The following KAZN variants were observed in gnomAD, a reference collection of about 807,000 sequenced individuals.
KAZN encodes kazrin.
In KAZN, 40 loss-of-function variants were observed where a neutral mutation model predicts 87.4. The observed-to-expected ratio is 0.46, with a 90% CI of 0.36 to 0.60. The LOEUF is 0.60. KAZN is among the 20% of genes least tolerant of loss of function. The pLI is 0.00. For missense variants in KAZN, 898 were observed against 1,073.9 expected, an observed-to-expected ratio of 0.84 and a Z score of 2.29; for synonymous variants, 466 against 458.3, an observed-to-expected ratio of 1.02 and a Z score of -0.22.
At chr1:14,053,789 CTT>C (rs1275895727) in intron 1 of KAZN, among the ~76,000 whole-genome samples, 1 of 152,168 alleles carries the variant, frequency 6.6e-6, no homozygotes, top group Non-Finnish European at 1.5e-5. Flanking sequence ...CCATGCATAA[CTT>C]TTGACTTCCC....
At chr1:14,902,497 G>C (rs952020008) in intron 1 of KAZN, among the ~76,000 whole-genome samples, 2 of 152,148 alleles carry the variant, frequency 1.3e-5, no homozygotes, top group African/African-American at 4.8e-5. Context: ...CAAAGTGCTA[G>C]AATTACAGGC....
At chr1:14,049,993 G>A (rs1448886122) in intron 1 of KAZN, among the ~76,000 whole-genome samples, 2 of 152,230 alleles carry the variant, frequency 1.3e-5, no homozygotes, top group African/African-American at 2.4e-5. Flanking sequence ...GCTAAGCAGA[G>A]GGAAAGGGAG....
At chr1:14,879,060 G>A (rs896956403) in intron 1 of KAZN, among the ~76,000 whole-genome samples, 20 of 152,104 alleles carry the variant, frequency 1.3e-4, no homozygotes, top group African/African-American at 4.3e-4. Flanking sequence ...ATCCCTGCTC[G>A]TATCTGCCAA....
chr1:14,161,823 G>C (rs971250331), intron 1 of KAZN, among the ~76,000 whole-genome samples: 2 of 152,110 alleles, frequency 1.3e-5, no homozygotes, highest in Non-Finnish European at 2.9e-5. Context: ...TCAAAGTCTG[G>C]AATCTCATCA....
chr1:14,250,742 T>C (rs1232595101), intron 2 of KAZN, among the ~76,000 whole-genome samples: 2 of 152,032 alleles, frequency 1.3e-5, no homozygotes, highest in African/African-American at 4.8e-5. Flanking sequence ...TTGACTTAGT[T>C]TGAAGGTAAT....
chr1:14,179,355 A>G lies in KAZN; in HGVS notation c.92-1080A>G, dbSNP rs112341945. On this transcript the variant is annotated intron_variant, in intron 1 of 16. Coordinates refer to the KAZN transcript ENST00000636203. ...CTGTCCTTGCAGAATGCATGGAGAT[A>G]TTAGGACTCAACTTGCTTTTTCATA... Among the ~76,000 whole-genome samples the G allele has an allele frequency of 7.1e-3, 1,075 of 152,338 alleles. 18 individuals carry two copies. The highest frequency in any genetic ancestry group is 0.025 in the African/African-American group (1,020 of 41,572).
chr1:14,306,152 G>A (rs1323144554), intron 2 of KAZN, among the ~76,000 whole-genome samples: 1 of 152,124 alleles, frequency 6.6e-6, no homozygotes, highest in African/African-American at 2.4e-5. Context: ...CGCATTTTTT[G>A]GTGGATTGTT....
At chr1:14,235,464 G>A (rs1208589677) in intron 2 of KAZN, among the ~76,000 whole-genome samples, 2 of 152,174 alleles carry the variant, frequency 1.3e-5, no homozygotes, top group African/African-American at 4.8e-5. Flanking sequence ...GGGGGATGTA[G>A]GGAGTGACCA....
chr1:14,250,688 T>C (rs2100611024), intron 2 of KAZN, among the ~76,000 whole-genome samples: 1 of 152,156 alleles, frequency 6.6e-6, no homozygotes, highest in South Asian at 2.1e-4. Flanking sequence ...ACATAATGAT[T>C]AGCACAAGAT....
chr1:14,152,453 C>T (rs61777765), intron 1 of KAZN, among the ~76,000 whole-genome samples: 32,758 of 152,072 alleles, frequency 0.22, 4,011 homozygotes, highest in East Asian at 0.36. Flanking sequence ...CTTTCTGTGC[C>T]TGGCTTACTT....
intron 1 of KAZN, among the ~76,000 whole-genome samples, chr1:14,867,736 A>G (rs1003789324): frequency 2.9e-5 from 1 of 34,740 alleles, no homozygotes; most frequent in Non-Finnish European, 5.7e-5. Flanking sequence ...CCCCCCCCCC[A>G]CCCTGGGCAT....
intron 2 of KAZN, among the ~76,000 whole-genome samples, chr1:14,192,994 CAAA>C (rs924049203): frequency 2.2e-4 from 33 of 152,196 alleles, no homozygotes; most frequent in African/African-American, 7.9e-4. Context: ...CCCTGTGTGT[CAAA>C]AGAGAGACCA....
intron 2 of KAZN, among the ~76,000 whole-genome samples, chr1:14,405,606 A>ATG (rs111850452): frequency 0.12 from 16,352 of 136,064 alleles, 893 homozygotes; most frequent in Middle Eastern, 0.15. Flanking sequence ...ACCCAATAAA[A>ATG]TGTGTGTGTG....
chr1:14,138,294 G>T (rs1645154502), intron 1 of KAZN, among the ~76,000 whole-genome samples: 1 of 152,022 alleles, frequency 6.6e-6, no homozygotes, highest in Admixed American at 6.5e-5. Flanking sequence ...CCATTTCTCT[G>T]CCCTGCCATC....
At chr1:14,510,427 C>A (rs1314273144) in intron 2 of KAZN, among the ~76,000 whole-genome samples, 4 of 150,380 alleles carry the variant, frequency 2.7e-5, no homozygotes, top group Admixed American at 2.0e-4. Flanking sequence ...AGGTCAGCAA[C>A]AAAATCTTTT....
intron 1 of KAZN, among the ~76,000 whole-genome samples, chr1:14,864,075 T>G (rs1041087106): frequency 1.3e-5 from 2 of 152,150 alleles, no homozygotes; most frequent in African/African-American, 4.8e-5. Flanking sequence ...CTCGACTCAG[T>G]GAGAGCCCAA....
intron 1 of KAZN, among the ~76,000 whole-genome samples, chr1:14,659,203 G>T (rs1411857956): frequency 3.9e-5 from 6 of 152,166 alleles, no homozygotes; most frequent in African/African-American, 1.2e-4. Context: ...ACTCCAGCCT[G>T]TGTGACAGAT....
intron 2 of KAZN, among the ~76,000 whole-genome samples, chr1:14,360,467 C>T (rs921538721): frequency 6.6e-6 from 1 of 152,134 alleles, no homozygotes. Context: ...CATTCTCCAT[C>T]CGGTTTTGTT....
chr1:14,827,231 G>A (rs971969840), intron 1 of KAZN, among the ~76,000 whole-genome samples: 2 of 152,172 alleles, frequency 1.3e-5, no homozygotes, highest in Non-Finnish European at 2.9e-5. Flanking sequence ...CATTCTGGGG[G>A]CAGGGATTTT....
Sources: gnomAD v4.1 joint callset for allele counts (sites outside exome capture counted in the v4.1 genomes callset) on GRCh38, gnomAD v4.1.1 for gene constraint, MANE v1.5 for transcripts, NCBI Gene and HGNC (gene_info 2026-07-23, HGNC 2026-07-21) for gene names.